MDFIC2: variants seen among roughly 807,000 people sequenced by gnomAD.
MDFIC2 encodes the protein myoD family inhibitor domain-containing protein 2.
chr3:70,255,607 A>G (rs1018924894), intron 2 of MDFIC2, among the ~76,000 whole-genome samples: 1 of 152,050 alleles, frequency 6.6e-6, no homozygotes, highest in Non-Finnish European at 1.5e-5. Context: ...GACTGCAGGC[A>G]TGCACCACCA....
intron 2 of MDFIC2, among the ~76,000 whole-genome samples, chr3:70,239,035 C>T (rs1186812257): frequency 2.6e-5 from 4 of 151,994 alleles, no homozygotes. Flanking sequence ...AAATGATCTA[C>T]AAAAATGGCT....
At chr3:70,300,385 T>C (rs1702336058) in intron 2 of MDFIC2, among the ~76,000 whole-genome samples, 1 of 152,122 alleles carries the variant, frequency 6.6e-6, no homozygotes, top group Non-Finnish European at 1.5e-5. Context: ...TATTTGTGTT[T>C]GATTCTCTCA....
intron 2 of MDFIC2, chr3:70,272,193 A>G (rs934651846): frequency 6.6e-6 from 1 of 152,226 alleles, no homozygotes; most frequent in African/African-American, 2.4e-5. Flanking sequence ...CCAAATGCAT[A>G]GTGGGGGTTT....
At chr3:70,257,913 T>C (rs1248218912) in intron 2 of MDFIC2, among the ~76,000 whole-genome samples, 1 of 152,180 alleles carries the variant, frequency 6.6e-6, no homozygotes, top group Non-Finnish European at 1.5e-5. Flanking sequence ...CAGCATGGTA[T>C]TGGTGTAAGG....
At chr3:70,287,694 C>G (rs1217879511) in intron 2 of MDFIC2, among the ~76,000 whole-genome samples, 2 of 151,850 alleles carry the variant, frequency 1.3e-5, no homozygotes, top group South Asian at 2.1e-4. Flanking sequence ...GTCCTGGACT[C>G]TTTTTGGTTG....
In MDFIC2 at chr3:70,197,184, C is replaced by T. The variant is rs1315092239; in HGVS notation, c.312G>A (p.Glu104=). The change falls in exon 4 of 4, where the codon GAG becomes GAA. Residue 104 remains glutamate (E), a splice_region_variant and synonymous_variant. Transcript: ENST00000567252. ...DTSVHHRDTD[E]ECASLILACL... ...AGGCGAGGATAAGGGAGGCACACTC[C>T]TCTGTTTAAAGAAGAAGACCAATTA... The T allele has an allele frequency of 1.8e-5, 7 of 398,412 alleles. No homozygotes were observed. In the South Asian group the frequency reaches 7.6e-4, roughly 44 times the overall value. The allele number at this position is 398,412 out of a possible 1,614,324, so 24.7% of individuals were successfully genotyped here.
At chr3:70,210,677 G>A (rs913776749) in intron 2 of MDFIC2, among the ~76,000 whole-genome samples, 2 of 151,996 alleles carry the variant, frequency 1.3e-5, no homozygotes, top group African/African-American at 2.4e-5. Context: ...CTATATTTGG[G>A]ATGTTATTCA....
rs551078298 is a variant in MDFIC2, at chr3:70,235,910, G to A, written c.89-29120C>T. 6.6e-5 allele frequency among the ~76,000 whole-genome samples: 10 copies of A among 152,150 alleles called. No individual in the cohort carries two copies. The East Asian group carries it at 9.7e-4, about 15-fold the overall frequency. On this transcript the variant is annotated intron_variant, in intron 2 of 3. Transcript: ENST00000567252. ...TGTTCATATTAGTGGTTCAATGGAC[G>A]TAAGCTTCCTATGGGCAGTCACCAC...
At chr3:70,235,057 C>T (rs1452752248) in intron 2 of MDFIC2, among the ~76,000 whole-genome samples, 3 of 152,134 alleles carry the variant, frequency 2.0e-5, no homozygotes, top group Admixed American at 1.3e-4. Flanking sequence ...GTACGGTTTC[C>T]TATGATTGCA....
At chr3:70,212,220 G>A (rs1236258982) in intron 2 of MDFIC2, among the ~76,000 whole-genome samples, 1 of 152,122 alleles carries the variant, frequency 6.6e-6, no homozygotes, top group African/African-American at 2.4e-5. Context: ...ACAACAAATG[G>A]TTTCAGTCCT....
At chr3:70,306,601 TTC>T (rs925635427) in intron 2 of MDFIC2, among the ~76,000 whole-genome samples, 1 of 152,146 alleles carries the variant, frequency 6.6e-6, no homozygotes, top group African/African-American at 2.4e-5. Context: ...ATCATTTTTT[TTC>T]TCTCTCATGA....
intron 1 of MDFIC2, among the ~76,000 whole-genome samples, chr3:70,312,310 T>A (rs1026249780): frequency 2.0e-5 from 3 of 152,218 alleles, no homozygotes; most frequent in African/African-American, 7.2e-5. Flanking sequence ...TAGTATTTTC[T>A]ATAGCCTATA....
At chr3:70,261,517 C>T (rs909822461) in intron 2 of MDFIC2, among the ~76,000 whole-genome samples, 3 of 152,134 alleles carry the variant, frequency 2.0e-5, no homozygotes, top group Non-Finnish European at 4.4e-5. Flanking sequence ...AATTACATTT[C>T]AATTTCCGTG....
intron 2 of MDFIC2, among the ~76,000 whole-genome samples, chr3:70,251,153 G>A (rs1701763585): frequency 6.6e-6 from 1 of 152,110 alleles, no homozygotes; most frequent in African/African-American, 2.4e-5. Context: ...TAGAGAAATT[G>A]CAAAAAGGTG....
chr3:70,220,068 C>T (rs1289159096), intron 2 of MDFIC2, among the ~76,000 whole-genome samples: 1 of 151,968 alleles, frequency 6.6e-6, no homozygotes, highest in Non-Finnish European at 1.5e-5. Flanking sequence ...GCAAGGAAAA[C>T]TAGATCAAAT....
intron 2 of MDFIC2, among the ~76,000 whole-genome samples, chr3:70,215,720 C>A (rs1701401584): frequency 6.6e-6 from 1 of 152,060 alleles, no homozygotes; most frequent in East Asian, 1.9e-4. Context: ...AATACATAAG[C>A]CATTCAGCTC....
intron 2 of MDFIC2, among the ~76,000 whole-genome samples, chr3:70,246,926 C>G (rs972245220): frequency 2.0e-5 from 3 of 151,860 alleles, no homozygotes; most frequent in Admixed American, 6.6e-5. Context: ...ACTCTTTTTT[C>G]AATAATTCGT....
intron 2 of MDFIC2, among the ~76,000 whole-genome samples, chr3:70,239,356 G>A (rs1000046421): frequency 2.0e-5 from 3 of 152,122 alleles, no homozygotes; most frequent in Non-Finnish European, 4.4e-5. Context: ...TGGAAGATTA[G>A]ACCCCAGCTG....
intron 2 of MDFIC2, among the ~76,000 whole-genome samples, chr3:70,273,751 T>C (rs567059411): frequency 2.4e-4 from 37 of 152,316 alleles, no homozygotes; most frequent in Middle Eastern, 3.4e-3. Flanking sequence ...CTTTTTCAGA[T>C]TTGTTTAGCA....
Sources: gnomAD v4.1 joint callset for allele counts (sites outside exome capture counted in the v4.1 genomes callset) on GRCh38, gnomAD v4.1.1 for gene constraint, MANE v1.5 for transcripts, NCBI Gene and HGNC (gene_info 2026-07-23, HGNC 2026-07-21) for gene names.